The following DTD2 variants were observed in gnomAD, a reference collection of about 807,000 sequenced individuals.
DTD2 encodes the protein D-aminoacyl-tRNA deacylase 2.
In DTD2, 12 loss-of-function variants were observed where a neutral mutation model predicts 15.5. The ratio of observed to expected loss-of-function variants is 0.77; its 90% CI spans 0.50 to 1.25. The LOEUF is 1.25. DTD2 is among the 50% of genes most tolerant of loss of function. DTD2 has a pLI of 0.00. For synonymous variants in DTD2, 59 were observed against 77.3 expected (o/e 0.76, Z 1.24); for missense variants, 170 against 201.1 (o/e 0.85, Z 0.93).
rs76229484 is a variant in DTD2, at chr14:31,447,837, A to T, written c.*292T>A. On this transcript the variant is annotated 3_prime_UTR_variant, in exon 3 of 3. Transcript: ENST00000310850. The stretch of plus-strand genomic sequence containing the variant: ...TCCATCTCAAAAAAAAAACAAAAAC[A>T]AAAAAACAATTAAGAACATTTCCTT... 7.8e-6 allele frequency: 2 copies of T among 257,430 alleles called. No individual in the cohort carries two copies. The highest frequency in any genetic ancestry group is 2.2e-5 in the African/African-American group (1 of 44,986). 15.9% of individuals were successfully genotyped at this position (257,430 alleles called of 1,614,324 possible).
At chr14:31,453,182 A>G (rs1595218072) in intron 2 of DTD2, 93 bp downstream of exon 2, 2 of 1,211,360 alleles carry the variant, frequency 1.7e-6, no homozygotes, top group Non-Finnish European at 2.4e-6. Context: ...CAAGTAATCC[A>G]CTTGCCTTGG....
At chr14:31,455,706 C>T (rs1260770366) in intron 1 of DTD2, among the ~76,000 whole-genome samples, 1 of 151,418 alleles carries the variant, frequency 6.6e-6, no homozygotes, top group African/African-American at 2.4e-5. Flanking sequence ...CTCAGCCTCC[C>T]GAGTAGCTGG....
At chr14:31,454,140 G>C (rs1215672951) in intron 1 of DTD2, among the ~76,000 whole-genome samples, 1 of 152,148 alleles carries the variant, frequency 6.6e-6, no homozygotes, top group Non-Finnish European at 1.5e-5. Context: ...CTATTAGGAA[G>C]ATTAAATGAG....
chr14:31,457,366 C>A lies in DTD2; in HGVS notation c.28G>T (p.Ala10Ser). 2 of 1,572,360 alleles carry A rather than the reference C, an allele frequency of 1.3e-6. No homozygotes were observed. The highest frequency in any genetic ancestry group is 1.2e-5 in the South Asian group (1 of 85,128). The change falls in exon 1 of 3, where the codon GCC (alanine) becomes TCC (serine). Residue 10 changes from alanine (A) to serine (S), a missense_variant. Coordinates refer to ENST00000310850, the MANE Select transcript of DTD2 (RefSeq NM_080664.3). ...AGGCACTGCTGTAGGAGCGCCCGGG[C>A]CTGAGGAATCCGGCTACCCTCAGCC... MAEGSRIPQ[A>S]RALLQQCLHA...
rs1344326085 is a variant in DTD2 at position 31,446,892 on chromosome 14, C to T, written c.*1237G>A. ...TTCAATGGAAAAGGAACTTCTTAAA[C>T]AATTTATGAACTAACACTAATTTCA... is the stretch of plus-strand genomic sequence containing the variant. On this transcript the variant is annotated 3_prime_UTR_variant, in exon 3 of 3. Coordinates refer to ENST00000310850, the MANE Select transcript of DTD2 (RefSeq NM_080664.3). 1 of 152,158 alleles carries T rather than the reference C, an allele frequency of 6.6e-6. No individual in the cohort carries two copies. The highest frequency in any genetic ancestry group is 1.5e-5 in the Non-Finnish European group (1 of 68,028). The allele number at this position is 152,158 out of a possible 1,614,324, so 9.4% of individuals were successfully genotyped here.
rs1222837298 is a variant in DTD2 at position 31,446,431 on chromosome 14, TC to T, written c.*1697del. On this transcript the variant is annotated 3_prime_UTR_variant, in exon 3 of 3. Coordinates refer to ENST00000310850, the MANE Select transcript of DTD2 (RefSeq NM_080664.3). ...TATTCTTTCAATTTCTTGTATATCT[TC>T]CTCTCTTGCCTTTGAAAAGTTTACC... is the stretch of plus-strand genomic sequence containing the variant. 4 of 152,232 alleles carry T rather than the reference TC, an allele frequency of 2.6e-5. No individual in the cohort carries two copies. Among genetic ancestry groups the T allele is most frequent in the Middle Eastern group, 3.2e-3 (1 of 316 alleles). 9.4% of individuals were successfully genotyped at this position (152,232 alleles called of 1,614,324 possible).
At position 31,450,735 on chromosome 14, in the gene DTD2, T is replaced by C. The variant is rs1171112414; in HGVS notation, c.182-2281A>G. Among the ~76,000 whole-genome samples the C allele has an allele frequency of 2.0e-5, 3 of 152,216 alleles. No homozygotes were observed. The East Asian group carries it at 5.8e-4, about 29-fold the overall frequency. ...CTGAAAATCATGATATAAAAAATCATGTGTTAGATAGTGTCAGACCATCCA... is the reference window on the plus strand; with the variant it reads ...CTGAAAATCATGATATAAAAAATCACGTGTTAGATAGTGTCAGACCATCCA... On this transcript the variant is annotated intron_variant, in intron 2 of 2. Transcript: ENST00000310850.
chr14:31,450,283 A>G (rs2032016097), intron 2 of DTD2, among the ~76,000 whole-genome samples: 1 of 152,252 alleles, frequency 6.6e-6, no homozygotes, highest in Non-Finnish European at 1.5e-5. Flanking sequence ...AACAGTAAGT[A>G]GAATTAAAAC....
intron 1 of DTD2, among the ~76,000 whole-genome samples, chr14:31,455,698 C>T (rs1474356477): frequency 6.6e-6 from 1 of 151,572 alleles, no homozygotes; most frequent in Non-Finnish European, 1.5e-5. Flanking sequence ...TCTCCTGCCT[C>T]AGCCTCCCGA....
At chr14:31,456,850 TGCTAAGACCAAGTCAACATAGG>T (rs932576198) in intron 1 of DTD2, among the ~76,000 whole-genome samples, 41 of 152,280 alleles carry the variant, frequency 2.7e-4, no homozygotes, top group Middle Eastern at 3.4e-3. Flanking sequence ...CTCATTTCTA[TGCTAAGACCAAGTCAACATAGG>T]GGGGAATTCG....
rs551101592 is a variant in DTD2, at chr14:31,455,322, T to G, written c.111+1961A>C. On this transcript the variant is annotated intron_variant, in intron 1 of 2. Coordinates refer to ENST00000310850, the MANE Select transcript of DTD2 (RefSeq NM_080664.3). ...ATACCAGCACTTTGGGAGGCCGAGG[T>G]GGGCGGACCACAAGGTCAGGAGATC... Among the ~76,000 whole-genome samples, 20 of 151,920 alleles carry G rather than the reference T, an allele frequency of 1.3e-4. No homozygotes were observed. The South Asian group carries it at 4.2e-3, about 32-fold the overall frequency.
At chr14:31,454,853 T>G (rs116280132) in intron 1 of DTD2, among the ~76,000 whole-genome samples, 2,329 of 152,240 alleles carry the variant, frequency 0.015, 29 homozygotes, top group Middle Eastern at 0.051. Context: ...AACAAAAACA[T>G]TAGTCTGTGA....
chr14:31,454,515 C>CA (rs1210714969), intron 1 of DTD2, among the ~76,000 whole-genome samples: 1 of 152,180 alleles, frequency 6.6e-6, no homozygotes, highest in Non-Finnish European at 1.5e-5. Context: ...GAGAAGCTGG[C>CA]AAGTTATTAT....
intron 2 of DTD2, among the ~76,000 whole-genome samples, chr14:31,450,918 T>G (rs1297005404): frequency 6.6e-6 from 1 of 152,234 alleles, no homozygotes; most frequent in Non-Finnish European, 1.5e-5. Flanking sequence ...CATCCTATTA[T>G]GATGAAGAAC....
At chr14:31,448,488 T>C in intron 2 of DTD2, 34 bp from the exon 3 acceptor site, 1 of 1,532,358 alleles carries the variant, frequency 6.5e-7, no homozygotes, top group Non-Finnish European at 8.8e-7. Context: ...CATTTTAAAG[T>C]GAAAAACAAA....
At chr14:31,451,294 C>T (rs969570028) in intron 2 of DTD2, among the ~76,000 whole-genome samples, 2 of 151,784 alleles carry the variant, frequency 1.3e-5, no homozygotes, top group Admixed American at 1.3e-4. Flanking sequence ...ACTACAGGCG[C>T]CCACCACCAC....
chr14:31,448,087 A>AT lies in DTD2; in HGVS notation c.*41dup. 2 of 1,458,030 alleles carry AT rather than the reference A, an allele frequency of 1.4e-6. No individual in the cohort carries two copies. The highest frequency in any genetic ancestry group is 1.9e-6 in the Non-Finnish European group (2 of 1,071,882). 90.3% of individuals were successfully genotyped at this position (1,458,030 alleles called of 1,614,324 possible). ...AGAAAATCTAATTATACTTTAGATC[A>AT]TTTCATACCAGAAAACAGCTATAGA... On this transcript the variant is annotated 3_prime_UTR_variant, in exon 3 of 3. Transcript: ENST00000310850.
At chr14:31,453,447 G>T (rs2032061741) in intron 1 of DTD2, 103 bp from the exon 2 acceptor site, 2 of 917,922 alleles carry the variant, frequency 2.2e-6, no homozygotes, top group Non-Finnish European at 3.2e-6. Context: ...AGACATAGAG[G>T]TTAAAAGCAC....
intron 2 of DTD2, among the ~76,000 whole-genome samples, chr14:31,448,961 T>C (rs554831746): frequency 6.6e-6 from 1 of 152,350 alleles, no homozygotes; most frequent in African/African-American, 2.4e-5. Flanking sequence ...TGGCGTGATC[T>C]CTGCTCACTG....
Sources: allele counts gnomAD v4.1 joint callset (sites outside exome capture counted in the v4.1 genomes callset), GRCh38; gene constraint gnomAD v4.1.1; transcripts MANE v1.5; gene names NCBI Gene and HGNC (gene_info 2026-07-23, HGNC 2026-07-21).